The following B4GALNT2 variants were observed in gnomAD, a reference collection of about 807,000 sequenced individuals.
B4GALNT2 encodes N-acetylneuraminylgalactosylglucosyl-glucoside beta-1,4-N- acetylgalactosaminyltransferase 2.
In B4GALNT2, 42 loss-of-function variants were observed where a neutral mutation model predicts 51.1. The observed-to-expected ratio is 0.82, with a 90% CI of 0.64 to 1.06. The LOEUF (loss-of-function observed/expected upper bound fraction) is 1.06, where lower values mean the gene tolerates loss of function less well. Among genes scored for constraint, B4GALNT2 ranks in the 50% least tolerant of loss-of-function variants. The pLI, the probability that B4GALNT2 is intolerant of heterozygous loss-of-function variation, is 0.00. For missense variants in B4GALNT2, 602 were observed against 633.6 expected (o/e 0.95, Z 0.54); for synonymous variants, 253 against 251.7 (o/e 1.01, Z -0.05).
In B4GALNT2 at chr17:49,164,126, A is replaced by C; in HGVS notation, c.805A>C (p.Thr269Pro). The C allele has an allele frequency of 6.2e-7, 1 of 1,614,140 alleles. No homozygotes were observed. The highest frequency in any genetic ancestry group is 8.5e-7 in the Non-Finnish European group (1 of 1,179,994). ...LRNLVTIATK[T>P]FLRPHKLMIM... ...AAACCTGGTTACCATTGCTACCAAG[A>C]CTTTCCTCCGCCCCCACAAGCTCAT... Residue 269 changes from threonine (T) to proline (P), a missense_variant, in exon 8 of 11, where the codon ACT becomes CCT. Thr to Pro is a conservative substitution (Grantham distance 38, BLOSUM62 -1). Transcript: ENST00000393354.
chr17:49,132,834 G>T, intron 1 of B4GALNT2, 28 bp downstream of exon 1: 1 of 1,374,860 alleles, frequency 7.3e-7, no homozygotes, highest in Non-Finnish European at 9.4e-7. Flanking sequence ...AGAGCAGAGC[G>T]AGAGGTGAAA....
At chr17:49,122,710 G>T in the B4GALNT2 span, among the ~76,000 whole-genome samples, 1 of 152,174 alleles carries the variant, frequency 6.6e-6, no homozygotes, top group East Asian at 1.9e-4. Flanking sequence ...CTAATGAGAT[G>T]CAGAGGCACA....
chr17:49,147,378 C>CTTTT (rs749384820), intron 3 of B4GALNT2, among the ~76,000 whole-genome samples: 2 of 104,854 alleles, frequency 1.9e-5, no homozygotes, highest in African/African-American at 3.0e-5. Context: ...TTCTTTCTTT[C>CTTTT]TTTTTTTTTT....
Position 49,132,769 on chromosome 17 carries a change from A to T in B4GALNT2, c.-24A>T. On this transcript the variant is annotated 5_prime_UTR_variant, in exon 1 of 11. Coordinates refer to ENST00000393354, the MANE Select transcript of B4GALNT2 (RefSeq NM_001159387.2). ...GCTGCTAGGCTCCGTGACATCCGGC[A>T]GTCTGAGGGCGGCGGGATTCGGGAT... The T allele has an allele frequency of 1.4e-6, 2 of 1,386,186 alleles. No individual in the cohort carries two copies. The highest frequency in any genetic ancestry group is 1.9e-6 in the Non-Finnish European group (2 of 1,068,544). 85.9% of individuals were successfully genotyped at this position (1,386,186 alleles called of 1,614,324 possible). A position where few individuals can be genotyped will look rare whatever the true frequency, so the allele number is the denominator to read the frequency against.
At chr17:49,127,721 T>C (rs189718561), upstream of B4GALNT2, among the ~76,000 whole-genome samples, 382 of 152,276 alleles carry the variant, frequency 2.5e-3, 4 homozygotes, top group Middle Eastern at 0.027. Flanking sequence ...TTCCAGGGCC[T>C]AATAAACAAG....
In B4GALNT2 at chr17:49,140,759, G is replaced by T. The variant is rs1270083140; in HGVS notation, c.15-488G>T. On this transcript the variant is annotated intron_variant, in intron 1 of 10. Transcript: ENST00000393354. The stretch of plus-strand genomic sequence containing the variant: ...TTTTTTTGAGGAGTCTCGCTCTGTC[G>T]CCAGGCTGGAGTGCAGTGGCGTGAT... 1.2e-4 allele frequency among the ~76,000 whole-genome samples: 15 copies of T among 125,080 alleles called. No homozygotes were observed. The Admixed American group carries it at 1.4e-3, about 12-fold the overall frequency. The allele number at this position is 125,080 out of a possible 152,430, so 82.1% of individuals were successfully genotyped here. A position where few individuals can be genotyped will look rare whatever the true frequency, so the allele number is the denominator to read the frequency against.
At chr17:49,150,072 G>C (rs867224961) in intron 3 of B4GALNT2, among the ~76,000 whole-genome samples, 1 of 152,164 alleles carries the variant, frequency 6.6e-6, no homozygotes, top group Admixed American at 6.5e-5. Flanking sequence ...TGGAGGTCGG[G>C]GGGGGTCAGC....
At chr17:49,163,180 C>T (rs146686284) in intron 7 of B4GALNT2, among the ~76,000 whole-genome samples, 19 of 152,276 alleles carry the variant, frequency 1.2e-4, no homozygotes, top group South Asian at 6.2e-4. Context: ...TGTGGCATCA[C>T]GGGGTCTTTT....
chr17:49,141,478 T>C (rs770356325), intron 2 of B4GALNT2, 31 bp downstream of exon 2: 1 of 1,595,278 alleles, frequency 6.3e-7, no homozygotes, highest in Non-Finnish European at 8.6e-7. Context: ...TCTTTCACCT[T>C]AATGCACACA....
At chr17:49,153,347 C>T (rs78099851) in intron 4 of B4GALNT2, among the ~76,000 whole-genome samples, 18,860 of 151,736 alleles carry the variant, frequency 0.12, 1,631 homozygotes, top group African/African-American at 0.24. Context: ...CCTGGGAGGC[C>T]GAGGCTGCAG....
At chr17:49,150,088 A>C (rs1232172578) in intron 3 of B4GALNT2, among the ~76,000 whole-genome samples, 1 of 149,486 alleles carries the variant, frequency 6.7e-6, no homozygotes, top group South Asian at 2.1e-4. Context: ...TCAGCCCCCC[A>C]CCTGGCCAGC....
intron 7 of B4GALNT2, among the ~76,000 whole-genome samples, chr17:49,161,077 C>T (rs532838389): frequency 1.3e-5 from 2 of 152,120 alleles, no homozygotes; most frequent in South Asian, 4.2e-4. Flanking sequence ...GAGTTCAAGA[C>T]TAGTCTAGCC....
At chr17:49,127,264 G>A in the B4GALNT2 span, among the ~76,000 whole-genome samples, 1 of 152,076 alleles carries the variant, frequency 6.6e-6, no homozygotes, top group South Asian at 2.1e-4. Context: ...CAATATTAAT[G>A]TTCCTTTATC....
At chr17:49,125,923 G>C in the B4GALNT2 span, among the ~76,000 whole-genome samples, 5 of 149,774 alleles carry the variant, frequency 3.3e-5, no homozygotes, top group Non-Finnish European at 7.4e-5. Context: ...TGGGAGGTGA[G>C]GGGTGCCTCT....
Position 49,168,718 on chromosome 17 carries a change from A to T in B4GALNT2, c.1133A>T (p.Lys378Met). 6.2e-7 allele frequency: 1 copy of T among 1,614,032 alleles called. No homozygotes were observed. The change falls in exon 10 of 11, where the codon AAG (lysine) becomes ATG (methionine). Residue 378 changes from lysine (K) to methionine (M), a missense_variant. Physicochemically the swap from Lys to Met is moderately conservative, Grantham distance 95. Transcript: ENST00000393354. ...GSVLGNVFQF[K>M]LLLEQSENGA... ...GTGCTGGGAAATGTGTTCCAGTTTA[A>T]GTTGTTGCTGGAACAGAGTGAGAAT...
intron 3 of B4GALNT2, among the ~76,000 whole-genome samples, chr17:49,151,575 G>A (rs1370452253): frequency 1.3e-5 from 2 of 151,834 alleles, no homozygotes; most frequent in African/African-American, 4.8e-5. Context: ...GTGAAACCCC[G>A]TCTCTACTAA....
chr17:49,154,715 A>G (rs1273163829), intron 4 of B4GALNT2, among the ~76,000 whole-genome samples: 2 of 152,034 alleles, frequency 1.3e-5, no homozygotes, highest in Non-Finnish European at 2.9e-5. Context: ...AGGTGAGATG[A>G]GAATGACTGC....
chr17:49,130,390 C>T (rs1264227417), upstream of B4GALNT2, among the ~76,000 whole-genome samples: 1 of 152,246 alleles, frequency 6.6e-6, no homozygotes, highest in African/African-American at 2.4e-5. Flanking sequence ...GTAATCCCAG[C>T]ACTTTGGGAG....
At position 49,172,249 on chromosome 17, in the gene B4GALNT2, G is replaced by A. The variant is rs530606309; in HGVS notation, c.*2521G>A. The A allele has an allele frequency of 6.9e-5, 13 of 188,528 alleles. No individual in the cohort carries two copies. The highest frequency in any genetic ancestry group is 1.2e-4 in the Admixed American group (2 of 16,370). The allele number at this position is 188,528 out of a possible 1,614,324, so 11.7% of individuals were successfully genotyped here. A position where few individuals can be genotyped will look rare whatever the true frequency, so the allele number is the denominator to read the frequency against. On this transcript the variant is annotated 3_prime_UTR_variant, in exon 11 of 11. Coordinates refer to ENST00000393354, the MANE Select transcript of B4GALNT2 (RefSeq NM_001159387.2). Reference sequence around the variant, plus strand: ...ACATGGCTGCAACCAGGGGATCCTCGGGATCCTCCTGGAATCTCTTCCTCA... The same window carrying A: ...ACATGGCTGCAACCAGGGGATCCTCAGGATCCTCCTGGAATCTCTTCCTCA...
Sources: allele counts gnomAD v4.1 joint callset (sites outside exome capture counted in the v4.1 genomes callset), GRCh38; gene constraint gnomAD v4.1.1; transcripts MANE v1.5; gene names NCBI Gene and HGNC (gene_info 2026-07-23, HGNC 2026-07-21).